The following TNFAIP8 variants were observed in gnomAD, a reference collection of about 807,000 sequenced individuals.
TNFAIP8 encodes tumor necrosis factor alpha-induced protein 8.
TNFAIP8 carries 7 observed loss-of-function variants against 13.3 expected under a neutral mutation model. That is an observed-to-expected ratio of 0.52 (90% CI 0.30 to 0.99). The LOEUF (loss-of-function observed/expected upper bound fraction) is 0.99, where lower values mean the gene tolerates loss of function less well. TNFAIP8 is among the 50% of genes least tolerant of loss of function. TNFAIP8 has a pLI of 0.07. For synonymous variants in TNFAIP8, 94 were observed against 87.6 expected (o/e 1.07, Z -0.41); for missense variants, 258 against 236.9 (o/e 1.09, Z -0.58).
chr5:119,313,195 T>C (rs1298776131), intron 1 of TNFAIP8, among the ~76,000 whole-genome samples: 1 of 152,190 alleles, frequency 6.6e-6, no homozygotes, highest in Admixed American at 6.5e-5. Flanking sequence ...TATAGATAAT[T>C]AGTTCAAAGC....
intron 1 of TNFAIP8, among the ~76,000 whole-genome samples, chr5:119,378,278 G>A (rs1222867896): frequency 1.3e-5 from 2 of 152,178 alleles, no homozygotes; most frequent in South Asian, 4.1e-4. Flanking sequence ...TATAAATGCT[G>A]TGCTGGTGGT....
chr5:119,296,070 A>C (rs1485978569), intron 1 of TNFAIP8, among the ~76,000 whole-genome samples: 1 of 149,696 alleles, frequency 6.7e-6, no homozygotes, highest in Non-Finnish European at 1.5e-5. Flanking sequence ...TGTCATCTGC[A>C]AACAGGGACA....
chr5:119,345,636 G>T (rs1046129518), intron 1 of TNFAIP8, among the ~76,000 whole-genome samples: 1 of 152,234 alleles, frequency 6.6e-6, no homozygotes, highest in African/African-American at 2.4e-5. Context: ...TCCACTGAAT[G>T]TAAGTTACCT....
At chr5:119,341,688 T>A in intron 1 of TNFAIP8, among the ~76,000 whole-genome samples, 1 of 152,222 alleles carries the variant, frequency 6.6e-6, no homozygotes, top group East Asian at 1.9e-4. Flanking sequence ...AAAGAAATCA[T>A]ATCTTCACGG....
Position 119,392,854 on chromosome 5 carries a change from C to A in TNFAIP8, c.70C>A (p.Gln24Lys). 1.3e-6 allele frequency: 2 copies of A among 1,557,690 alleles called. No individual in the cohort carries two copies. Among genetic ancestry groups the A allele is most frequent in the Admixed American group, 1.9e-5 (1 of 51,314 alleles). Reference sequence around the variant, plus strand: ...CTTTAATTCCAAAAACCTGGCCGTTCAGGCACAAAAGAAGATCTTGGGTAA... The same window carrying A: ...CTTTAATTCCAAAAACCTGGCCGTTAAGGCACAAAAGAAGATCTTGGGTAA... ...DVFNSKNLAV[Q>K]AQKKILGKMV... The change falls in exon 2 of 2, where the codon CAG (glutamine) becomes AAG (lysine). Residue 24 changes from glutamine to lysine, a missense_variant. Gln to Lys is a moderately conservative substitution (Grantham distance 53). Transcript: ENST00000504771.
At chr5:119,306,169 T>G (rs982806387) in intron 1 of TNFAIP8, among the ~76,000 whole-genome samples, 5 of 152,164 alleles carry the variant, frequency 3.3e-5, no homozygotes, top group Admixed American at 3.3e-4. Flanking sequence ...TTGGCAAAAC[T>G]TGCCTAAATG....
At chr5:119,287,280 GTTTTTTTTTT>G (rs58452491) in intron 1 of TNFAIP8, among the ~76,000 whole-genome samples, 1 of 109,236 alleles carries the variant, frequency 9.2e-6, no homozygotes, top group Non-Finnish European at 1.8e-5. Flanking sequence ...CAGTAACCAA[GTTTTTTTTTT>G]TTTTTTTTTT....
At position 119,396,053 on chromosome 5, in the gene TNFAIP8, C is replaced by T. The variant is rs1240801340; in HGVS notation, c.*2672C>T. On this transcript the variant is annotated 3_prime_UTR_variant, in exon 2 of 2. Coordinates refer to ENST00000504771, the MANE Select transcript of TNFAIP8 (RefSeq NM_014350.4). ...CATTTAATTCTGCCACAATCTTCAC[C>T]ATCTTATAGATAAGGAAACTAGGGG... is the stretch of plus-strand genomic sequence containing the variant. The T allele has an allele frequency of 2.0e-5, 3 of 152,120 alleles. No homozygotes were observed. Among genetic ancestry groups the T allele is most frequent in the Non-Finnish European group, 4.4e-5 (3 of 68,024 alleles). 9.4% of individuals were successfully genotyped at this position (152,120 alleles called of 1,614,324 possible). A position where few individuals can be genotyped will look rare whatever the true frequency, so the allele number is the denominator to read the frequency against.
chr5:119,293,494 G>A (rs1053869329), intron 1 of TNFAIP8, among the ~76,000 whole-genome samples: 1 of 152,078 alleles, frequency 6.6e-6, no homozygotes, highest in Non-Finnish European at 1.5e-5. Flanking sequence ...TGTTCTCCAG[G>A]TTCATCCATG....
intron 1 of TNFAIP8, among the ~76,000 whole-genome samples, chr5:119,293,307 G>C (rs747557557): frequency 9.2e-5 from 14 of 151,976 alleles, no homozygotes; most frequent in Non-Finnish European, 2.1e-4. Flanking sequence ...TTTTGAACTT[G>C]TTCCTCCTGT....
chr5:119,317,635 C>G (rs1749938201), intron 1 of TNFAIP8, among the ~76,000 whole-genome samples: 1 of 151,090 alleles, frequency 6.6e-6, no homozygotes. Context: ...GTCTCACTCT[C>G]TTGCCCAGGC....
chr5:119,299,895 G>T (rs1472805426), intron 1 of TNFAIP8, among the ~76,000 whole-genome samples: 3 of 152,218 alleles, frequency 2.0e-5, no homozygotes, highest in Non-Finnish European at 4.4e-5. Context: ...GACTCCGTGG[G>T]CGTAGGACCC....
chr5:119,308,539 G>T (rs777173055), intron 1 of TNFAIP8, among the ~76,000 whole-genome samples: 2 of 151,948 alleles, frequency 1.3e-5, no homozygotes, highest in Non-Finnish European at 2.9e-5. Context: ...TTAATAAATG[G>T]TCTTGACTGT....
intron 1 of TNFAIP8, chr5:119,333,518 A>G: frequency 6.5e-7 from 1 of 1,527,458 alleles, no homozygotes; most frequent in African/African-American, 1.4e-5. Context: ...TGCAGGTTCC[A>G]TAGTGTACAC....
chr5:119,359,215 A>G (rs535327672), intron 1 of TNFAIP8, among the ~76,000 whole-genome samples: 42 of 152,266 alleles, frequency 2.8e-4, no homozygotes, highest in African/African-American at 9.9e-4. Context: ...TTCTGCATAT[A>G]GAAGAACTCA....
chr5:119,297,032 T>A (rs964404747), intron 1 of TNFAIP8, among the ~76,000 whole-genome samples: 1 of 152,202 alleles, frequency 6.6e-6, no homozygotes, highest in African/African-American at 2.4e-5. Context: ...TCTTTATTAG[T>A]CTTGCTAGCA....
chr5:119,308,185 T>C (rs1749622130), intron 1 of TNFAIP8, among the ~76,000 whole-genome samples: 1 of 152,170 alleles, frequency 6.6e-6, no homozygotes, highest in South Asian at 2.1e-4. Flanking sequence ...GGCACACTAG[T>C]TGTGAACTGA....
chr5:119,342,781 TC>T (rs1474610522), intron 1 of TNFAIP8, among the ~76,000 whole-genome samples: 1 of 152,234 alleles, frequency 6.6e-6, no homozygotes, highest in African/African-American at 2.4e-5. Flanking sequence ...CATTTTTCTT[TC>T]TTTTCTCCCT....
At chr5:119,310,539 T>C (rs1433138361) in intron 1 of TNFAIP8, among the ~76,000 whole-genome samples, 5 of 152,146 alleles carry the variant, frequency 3.3e-5, no homozygotes, top group Admixed American at 3.3e-4. Flanking sequence ...TGAAGGCTTA[T>C]TAAAATGCTT....
Sources: gnomAD v4.1 joint callset for allele counts (sites outside exome capture counted in the v4.1 genomes callset) on GRCh38, gnomAD v4.1.1 for gene constraint, MANE v1.5 for transcripts, NCBI Gene and HGNC (gene_info 2026-07-23, HGNC 2026-07-21) for gene names.